PATJ: variants seen among roughly 807,000 people sequenced by gnomAD.
PATJ encodes the protein PATJ crumbs cell polarity complex component, also known as inaD-like protein.
A neutral mutation model predicts 224.9 loss-of-function variants in PATJ; 190 were observed. That is an observed-to-expected ratio of 0.84 (90% CI 0.75 to 0.95). The LOEUF is 0.95. Ranked by LOEUF, PATJ falls within the 40% of genes least tolerant of loss-of-function variation. The pLI is 0.00. For synonymous variants in PATJ, 769 were observed against 820.3 expected (o/e 0.94, Z 1.07); for missense variants, 2,121 against 2,270.3 (o/e 0.93, Z 1.34).
In PATJ at chr1:61,783,423, C is replaced by CTT. The variant is rs79615768; in HGVS notation, c.850-4314_850-4313dup. Reference sequence around the variant, plus strand: ...CTTTTTTTTTCCTTTCTTTTCTTTTCTTTTTTTTTTTTTTTTTTAAATAGA... The same window carrying CTT: ...CTTTTTTTTTCCTTTCTTTTCTTTTCTTTTTTTTTTTTTTTTTTTTAAATAGA... On this transcript the variant is annotated intron_variant, in intron 7 of 43. Transcript: ENST00000642238. Among the ~76,000 whole-genome samples, 446 of 119,196 alleles carry CTT rather than the reference C, an allele frequency of 3.7e-3. 2 individuals carry two copies. The highest frequency in any genetic ancestry group is 0.011 in the African/African-American group (368 of 32,154). 78.2% of individuals were successfully genotyped at this position (119,196 alleles called of 152,430 possible).
intron 16 of PATJ, among the ~76,000 whole-genome samples, chr1:61,830,177 G>T (rs964005287): frequency 6.6e-6 from 1 of 152,068 alleles, no homozygotes; most frequent in African/African-American, 2.4e-5. Flanking sequence ...TCAGGATACG[G>T]TATCACTGTA....
chr1:61,813,360 TATATATATATATATATATACACACACAC>T (rs1295818802), intron 14 of PATJ, among the ~76,000 whole-genome samples: 6 of 54,040 alleles, frequency 1.1e-4, no homozygotes, highest in African/African-American at 4.4e-4. Flanking sequence ...TATATATATA[TATATATATATATATATATACACACACAC>T]ACACACACAC....
At chr1:61,785,587 C>T (rs1648332999) in intron 7 of PATJ, among the ~76,000 whole-genome samples, 1 of 152,106 alleles carries the variant, frequency 6.6e-6, no homozygotes, top group African/African-American at 2.4e-5. Context: ...CTGTAAGGTG[C>T]TCTGCATGTA....
chr1:62,156,985 T>A (rs528032553), intron 43 of PATJ, among the ~76,000 whole-genome samples: 19 of 151,954 alleles, frequency 1.3e-4, no homozygotes, highest in African/African-American at 4.3e-4. Context: ...CTTTCAAAAT[T>A]CCTGTGGGGG....
At chr1:62,139,934 A>AT (rs1157150205) in intron 41 of PATJ, among the ~76,000 whole-genome samples, 2 of 151,578 alleles carry the variant, frequency 1.3e-5, no homozygotes, top group Admixed American at 6.6e-5. Flanking sequence ...TAATTTTTGT[A>AT]TTTTTTGTAG....
intron 27 of PATJ, among the ~76,000 whole-genome samples, chr1:61,928,473 A>T (rs912823815): frequency 6.6e-6 from 1 of 152,178 alleles, no homozygotes; most frequent in Non-Finnish European, 1.5e-5. Context: ...TGACTTATAC[A>T]TTGTAAACTG....
At chr1:61,974,443 C>T (rs1457444976) in intron 27 of PATJ, among the ~76,000 whole-genome samples, 20 of 102,732 alleles carry the variant, frequency 1.9e-4, no homozygotes, top group Non-Finnish European at 3.0e-4. Context: ...GATAGAGTTT[C>T]GCTCTTGTTG....
intron 27 of PATJ, among the ~76,000 whole-genome samples, chr1:61,973,196 G>A (rs573777345): frequency 6.6e-6 from 1 of 152,056 alleles, no homozygotes; most frequent in South Asian, 2.1e-4. Context: ...CTGCCTACAC[G>A]AGACAGAATT....
Position 61,823,067 on chromosome 1 carries a change from T to C in PATJ, c.1806T>C (p.Asp602=). ...VDTLGLLQPE[D]ELLEVNGMQL... ...CATTGGGTCTCCTACAGCCAGAAGATGAGCTGCTTGAGGTAAAATTTATGG... is the reference window on the plus strand; with the variant it reads ...CATTGGGTCTCCTACAGCCAGAAGACGAGCTGCTTGAGGTAAAATTTATGG... The change falls in exon 15 of 44, where the codon GAT becomes GAC. Residue 602 remains aspartate, a synonymous_variant. Coordinates refer to ENST00000642238, the MANE Select transcript of PATJ (RefSeq NM_001350145.3). The C allele has an allele frequency of 6.2e-7, 1 of 1,613,718 alleles. No homozygotes were observed. The highest frequency in any genetic ancestry group is 1.7e-5 in the Admixed American group (1 of 60,004).
intron 26 of PATJ, among the ~76,000 whole-genome samples, chr1:61,926,824 T>A (rs896003209): frequency 6.6e-6 from 1 of 152,258 alleles, no homozygotes; most frequent in African/African-American, 2.4e-5. Flanking sequence ...AATGGACCAC[T>A]CATTGGCCAC....
At chr1:61,930,522 C>T (rs371951461) in intron 27 of PATJ, among the ~76,000 whole-genome samples, 1 of 152,242 alleles carries the variant, frequency 6.6e-6, no homozygotes, top group East Asian at 1.9e-4. Flanking sequence ...AAGCCCTAGG[C>T]CTACAGGGAA....
At chr1:61,920,702 C>CTTTT (rs71582652) in intron 26 of PATJ, among the ~76,000 whole-genome samples, 62 of 89,484 alleles carry the variant, frequency 6.9e-4, no homozygotes, top group African/African-American at 9.9e-4. Context: ...GTATGGAATT[C>CTTTT]TTTTTTTTTT....
chr1:62,119,594 G>A (rs1481110493), intron 37 of PATJ, among the ~76,000 whole-genome samples: 7 of 152,002 alleles, frequency 4.6e-5, no homozygotes, highest in Non-Finnish European at 1.0e-4. Context: ...AAATACTTGC[G>A]AGATCTTTTC....
chr1:61,821,481 C>T (rs550247146), intron 14 of PATJ, among the ~76,000 whole-genome samples: 83 of 152,242 alleles, frequency 5.5e-4, no homozygotes, highest in African/African-American at 1.9e-3. Flanking sequence ...CCCTCATGTG[C>T]GTGTTGAGGT....
In PATJ at chr1:61,886,819, C is replaced by CAAAAAAAAAAAAAAAAAAAAAAAAAAAAA. The variant is rs35950461; in HGVS notation, c.3131+2423_3131+2424insAAAAAAAAAAAAAAAAAAAAAAAAAAAAA. On this transcript the variant is annotated intron_variant, in intron 22 of 43. Transcript: ENST00000642238. ...TGGGCAACAGAGCAAGACCCCATCT[C>CAAAAAAAAAAAAAAAAAAAAAAAAAAAAA]AAAAAAAAAAAATTAGCCTGTTGTG... 1.5e-3 allele frequency among the ~76,000 whole-genome samples: 134 copies of CAAAAAAAAAAAAAAAAAAAAAAAAAAAAA among 87,490 alleles called. 41 individuals carry two copies. The highest frequency in any genetic ancestry group is 2.1e-3 in the African/African-American group (53 of 24,982). 57.4% of individuals were successfully genotyped at this position (87,490 alleles called of 152,430 possible).
At chr1:61,972,860 T>C (rs1410970879) in intron 27 of PATJ, among the ~76,000 whole-genome samples, 1 of 140,982 alleles carries the variant, frequency 7.1e-6, no homozygotes, top group East Asian at 1.9e-4. Flanking sequence ...TCTTTTTGAC[T>C]TCACCATGTA....
chr1:62,032,447 C>T (rs1649509401), intron 29 of PATJ, among the ~76,000 whole-genome samples: 1 of 152,184 alleles, frequency 6.6e-6, no homozygotes, highest in South Asian at 2.1e-4. Context: ...CAGGTCCAAA[C>T]TGATAATCTC....
At chr1:62,081,805 G>A (rs1213713149) in intron 32 of PATJ, among the ~76,000 whole-genome samples, 1 of 152,190 alleles carries the variant, frequency 6.6e-6, no homozygotes, top group Non-Finnish European at 1.5e-5. Flanking sequence ...GAACTCAGGT[G>A]ATCCGCCCAC....
chr1:62,048,264 AG>A (rs1172295555), intron 30 of PATJ, among the ~76,000 whole-genome samples: 1 of 152,096 alleles, frequency 6.6e-6, no homozygotes, highest in African/African-American at 2.4e-5. Context: ...AAGAAAGAAA[AG>A]GCCGGGCGTG....
Sources: allele counts gnomAD v4.1 joint callset (sites outside exome capture counted in the v4.1 genomes callset), GRCh38; gene constraint gnomAD v4.1.1; transcripts MANE v1.5; gene names NCBI Gene and HGNC (gene_info 2026-07-23, HGNC 2026-07-21).